Variants in CNTLN observed in about 807,000 individuals in gnomAD.
The protein encoded by CNTLN is centlein, centrosomal protein.
Under a neutral mutation model 180.0 loss-of-function variants are expected in CNTLN, and 212 were observed. That is an observed-to-expected ratio of 1.18 (90% CI 1.05 to 1.32). CNTLN has a LOEUF of 1.32. Ranked by LOEUF, CNTLN falls within the 40% of genes most tolerant of loss-of-function variation. The pLI is 0.00. For missense variants in CNTLN, 2,095 were observed against 1,610.9 expected, an observed-to-expected ratio of 1.30 and a Z score of -5.14; for synonymous variants, 722 against 563.1, an observed-to-expected ratio of 1.28 and a Z score of -3.99.
chr9:17,496,141 T>C (rs973627108), intron 25 of CNTLN, among the ~76,000 whole-genome samples: 3 of 152,148 alleles, frequency 2.0e-5, no homozygotes, highest in African/African-American at 4.8e-5. Flanking sequence ...TGGAGCAACA[T>C]ATTTAAATCA....
At chr9:17,357,561 GTA>G (rs1449729676) in intron 12 of CNTLN, among the ~76,000 whole-genome samples, 1 of 143,630 alleles carries the variant, frequency 7.0e-6, no homozygotes, top group African/African-American at 2.5e-5. Context: ...TGGGTACCAT[GTA>G]TATATATAAA....
At chr9:17,321,396 G>C (rs1331725770) in intron 8 of CNTLN, among the ~76,000 whole-genome samples, 1 of 152,098 alleles carries the variant, frequency 6.6e-6, no homozygotes, top group Non-Finnish European at 1.5e-5. Flanking sequence ...AGCTCCTTGA[G>C]GGCAAGGAGA....
chr9:17,211,817 A>G (rs551717032), intron 2 of CNTLN, among the ~76,000 whole-genome samples: 2,047 of 152,206 alleles, frequency 0.013, 52 homozygotes, highest in African/African-American at 0.047. Flanking sequence ...CTTTGAAGCA[A>G]TTGTGAATGG....
chr9:17,440,069 C>T (rs1403718310), intron 18 of CNTLN, among the ~76,000 whole-genome samples: 1 of 152,190 alleles, frequency 6.6e-6, no homozygotes, highest in Non-Finnish European at 1.5e-5. Context: ...ACATGATCAA[C>T]AAATCCAGAA....
intron 19 of CNTLN, among the ~76,000 whole-genome samples, chr9:17,458,152 T>C (rs1466587171): frequency 6.6e-6 from 1 of 150,952 alleles, no homozygotes; most frequent in African/African-American, 2.4e-5. Context: ...ATCTCCTCCT[T>C]CTCTGTCTCC....
In CNTLN at chr9:17,476,718, A is replaced by G. The variant is rs117881540; in HGVS notation, c.3856-7577A>G. Among the ~76,000 whole-genome samples the G allele has an allele frequency of 4.6e-3, 695 of 152,288 alleles. 5 individuals carry two copies. The highest frequency in any genetic ancestry group is 5.3e-3 in the Non-Finnish European group (362 of 68,016). On this transcript the variant is annotated intron_variant, in intron 23 of 25. Coordinates refer to ENST00000380647, the MANE Select transcript of CNTLN (RefSeq NM_017738.4). ...CTTCAAAGGATGAGGGAGGTGAGGA[A>G]GCAGCAGAAAACTTTGAAGCTACCT... is the stretch of plus-strand genomic sequence containing the variant.
chr9:17,337,807 T>C (rs999895561), intron 10 of CNTLN, among the ~76,000 whole-genome samples: 1 of 152,206 alleles, frequency 6.6e-6, no homozygotes, highest in Non-Finnish European at 1.5e-5. Context: ...ATTGTGAAAG[T>C]AATTGAGAAA....
At chr9:17,408,349 A>T (rs570959627) in intron 15 of CNTLN, among the ~76,000 whole-genome samples, 22 of 151,552 alleles carry the variant, frequency 1.5e-4, no homozygotes, top group Non-Finnish European at 2.4e-4. Flanking sequence ...GTTTATTTTT[A>T]TTTTTTTTCT....
intron 6 of CNTLN, among the ~76,000 whole-genome samples, chr9:17,297,578 A>T (rs1818038855): frequency 6.6e-6 from 1 of 152,172 alleles, no homozygotes; most frequent in South Asian, 2.1e-4. Flanking sequence ...CCTCCTGCTT[A>T]TCAGTTTCAT....
Position 17,402,277 on chromosome 9 carries a change from T to A in CNTLN, c.2616-7016T>A, listed in dbSNP as rs947876272. Reference sequence around the variant, plus strand: ...CATAGCCAAAATCTCAAGGATAGCATCTACAATAGAATTAGTGACAAACCC... The same window carrying A: ...CATAGCCAAAATCTCAAGGATAGCAACTACAATAGAATTAGTGACAAACCC... On this transcript the variant is annotated intron_variant, in intron 15 of 25. Coordinates refer to ENST00000380647, the MANE Select transcript of CNTLN (RefSeq NM_017738.4). Among the ~76,000 whole-genome samples the A allele has an allele frequency of 3.3e-5, 5 of 151,774 alleles. 1 individual carries two copies. The highest frequency in any genetic ancestry group is 1.2e-4 in the African/African-American group (5 of 41,132).
chr9:17,465,946 C>G (rs1333709400), intron 21 of CNTLN, 35 bp from the exon 22 acceptor site: 1 of 1,552,514 alleles, frequency 6.4e-7, no homozygotes, highest in South Asian at 1.2e-5. Context: ...AGAATGCCTT[C>G]AACAATAATA....
chr9:17,400,937 C>T (rs921422702), intron 15 of CNTLN, among the ~76,000 whole-genome samples: 1 of 152,146 alleles, frequency 6.6e-6, no homozygotes. Context: ...TCCACACACA[C>T]ATAAAAATCT....
intron 6 of CNTLN, among the ~76,000 whole-genome samples, chr9:17,289,857 C>T (rs1829246097): frequency 7.3e-6 from 1 of 136,318 alleles, no homozygotes; most frequent in African/African-American, 3.0e-5. Context: ...TTTTCAGCTC[C>T]ATCAGCTCCT....
chr9:17,270,944 G>GTT (rs1470630293), intron 5 of CNTLN, among the ~76,000 whole-genome samples: 2 of 105,482 alleles, frequency 1.9e-5, no homozygotes, highest in African/African-American at 8.2e-5. Flanking sequence ...TCAGAGAGGA[G>GTT]TTCTTTTTTT....
At chr9:17,474,103 G>A (rs7023206) in intron 23 of CNTLN, among the ~76,000 whole-genome samples, 4,917 of 151,960 alleles carry the variant, frequency 0.032, 224 homozygotes, top group African/African-American at 0.094. Flanking sequence ...TAGACAATCT[G>A]TACCAACACT....
intron 5 of CNTLN, among the ~76,000 whole-genome samples, chr9:17,249,366 T>G (rs972437960): frequency 4.7e-5 from 7 of 147,414 alleles, no homozygotes; most frequent in Non-Finnish European, 8.9e-5. Flanking sequence ...TTTTTTTTTT[T>G]GAGCTGGAGT....
intron 5 of CNTLN, among the ~76,000 whole-genome samples, chr9:17,239,777 G>A (rs1825377008): frequency 1.3e-5 from 2 of 152,230 alleles, no homozygotes; most frequent in South Asian, 2.1e-4. Flanking sequence ...TCAGTTGACT[G>A]TAAATATAAG....
chr9:17,498,162 T>C (rs1833556640), intron 25 of CNTLN, among the ~76,000 whole-genome samples: 1 of 152,172 alleles, frequency 6.6e-6, no homozygotes. Context: ...AAAGTTATCC[T>C]TATTTCCATT....
At chr9:17,156,745 A>G (rs1187155924) in intron 2 of CNTLN, among the ~76,000 whole-genome samples, 6 of 152,350 alleles carry the variant, frequency 3.9e-5, no homozygotes, top group South Asian at 2.1e-4. Context: ...AAATATTGCA[A>G]TAAAGCAAAT....
Sources: allele counts gnomAD v4.1 joint callset (sites outside exome capture counted in the v4.1 genomes callset), GRCh38; gene constraint gnomAD v4.1.1; transcripts MANE v1.5; gene names NCBI Gene and HGNC (gene_info 2026-07-23, HGNC 2026-07-21).